Variants in PACS2 observed in about 807,000 individuals in gnomAD.
PACS2 encodes the protein PACS1-like protein.
Under a neutral mutation model 113.0 loss-of-function variants are expected in PACS2, and 36 were observed. The ratio of observed to expected loss-of-function variants is 0.32; its 90% CI spans 0.24 to 0.42. The LOEUF (loss-of-function observed/expected upper bound fraction) is 0.42, where lower values mean the gene tolerates loss of function less well. Among genes scored for constraint, PACS2 ranks in the 10% least tolerant of loss-of-function variants. The pLI is 1.00. For missense variants in PACS2, 1,015 were observed against 1,239.5 expected, an observed-to-expected ratio of 0.82 and a Z score of 2.72; for synonymous variants, 589 against 536.1, an observed-to-expected ratio of 1.10 and a Z score of -1.36.
At chr14:105,368,416 A>G (rs782561685) in intron 6 of PACS2, 43 bp from the exon 7 acceptor site, 23 of 1,473,894 alleles carry the variant, frequency 1.6e-5, no homozygotes, top group Admixed American at 1.2e-4. Flanking sequence ...TGCCAGCACT[A>G]TGCAGGCTGC....
Position 105,394,259 on chromosome 14 carries a change from C to T in PACS2, c.2597-295C>T, listed in dbSNP as rs114278617. 1.9e-3 allele frequency: 1,852 copies of T among 985,144 alleles called. 30 individuals carry two copies. The African/African-American group carries it at 0.027, about 15-fold the overall frequency. The allele number at this position is 985,144 out of a possible 1,614,324, so 61.0% of individuals were successfully genotyped here. A position where few individuals can be genotyped will look rare whatever the true frequency, so the allele number is the denominator to read the frequency against. ...GTGGATGTGGACGAGCAGCGCCTGG[C>T]GGAAGGTGGTGGGGTCTGCTCCTTC... On this transcript the variant is annotated intron_variant, in intron 24 of 24. Coordinates refer to ENST00000447393, the MANE Select transcript of PACS2 (RefSeq NM_001100913.3).
upstream of PACS2, among the ~76,000 whole-genome samples, chr14:105,314,067 C>T (rs1484549944): frequency 6.6e-6 from 1 of 152,266 alleles, no homozygotes; most frequent in Non-Finnish European, 1.5e-5. Context: ...TCATCTGGAG[C>T]CCTGGAGGCT....
Position 105,364,494 on chromosome 14 carries a change from G to A in PACS2, c.424-2719G>A, listed in dbSNP as rs1479120296. Among the ~76,000 whole-genome samples the A allele has an allele frequency of 4.7e-5, 7 of 148,874 alleles. No individual in the cohort carries two copies. In the East Asian group the frequency reaches 5.9e-4, roughly 12 times the overall value. On this transcript the variant is annotated intron_variant, in intron 4 of 24. Transcript: ENST00000447393. ...CCGGGTGCGCGGTGGGTGGCGGCCC[G>A]GGTGCGCGGTGGGCGGTGGCCTGGG...
chr14:105,379,834 G>C lies in PACS2; in HGVS notation c.1050+5G>C, dbSNP rs2080916829. On this transcript the variant is annotated splice_donor_5th_base_variant and intron_variant, in intron 10 of 24. Coordinates refer to ENST00000447393, the MANE Select transcript of PACS2 (RefSeq NM_001100913.3). ...CACAAGGAGCCCCCAAGCCCGGTGA[G>C]TGGGGCCACACTGATCTCCCAGAGC... 1 of 1,611,740 alleles carries C rather than the reference G, an allele frequency of 6.2e-7. No individual in the cohort carries two copies. The highest frequency in any genetic ancestry group is 8.5e-7 in the Non-Finnish European group (1 of 1,178,540).
At position 105,391,904 on chromosome 14, in the gene PACS2, G is replaced by A. The variant is rs2141308464; in HGVS notation, c.2255+138G>A. ...GCCACGAAGGCGGAGGGGCTCTGCA[G>A]GACGGCTGGGTCCTCTCTGGCCACC... On this transcript the variant is annotated intron_variant, in intron 22 of 24. Transcript: ENST00000447393. 3.5e-6 allele frequency: 3 copies of A among 868,678 alleles called. No individual in the cohort carries two copies. In the East Asian group the frequency reaches 8.5e-5, roughly 25 times the overall value. 53.8% of individuals were successfully genotyped at this position (868,678 alleles called of 1,614,324 possible). A position where few individuals can be genotyped will look rare whatever the true frequency, so the allele number is the denominator to read the frequency against.
At chr14:105,378,662 A>T (rs1555411100) in intron 9 of PACS2, among the ~76,000 whole-genome samples, 1 of 152,212 alleles carries the variant, frequency 6.6e-6, no homozygotes, top group East Asian at 1.9e-4. Context: ...TGCCTTGGCC[A>T]CCCAAAGTGC....
intron 1 of PACS2, among the ~76,000 whole-genome samples, chr14:105,301,808 C>T (rs2058039601): frequency 6.6e-6 from 1 of 152,234 alleles, no homozygotes; most frequent in Admixed American, 6.5e-5. Flanking sequence ...TCACAATCGC[C>T]ATAGGGCCGG....
chr14:105,375,219 C>A (rs1187223141), intron 8 of PACS2, among the ~76,000 whole-genome samples: 2 of 152,128 alleles, frequency 1.3e-5, no homozygotes, highest in Non-Finnish European at 2.9e-5. Context: ...GTCGCTCACA[C>A]CTGTAATCCC....
chr14:105,363,349 G>GT (rs1555407102), intron 4 of PACS2, among the ~76,000 whole-genome samples: 1 of 151,252 alleles, frequency 6.6e-6, no homozygotes, highest in African/African-American at 2.5e-5. Flanking sequence ...AAAATCTGTT[G>GT]TTTAGTGTTA....
At chr14:105,331,989 C>T (rs1000776427) in intron 1 of PACS2, among the ~76,000 whole-genome samples, 2 of 152,200 alleles carry the variant, frequency 1.3e-5, no homozygotes, top group African/African-American at 2.4e-5. Flanking sequence ...GAGGAGTCTG[C>T]GATCAGCCTG....
intron 1 of PACS2, among the ~76,000 whole-genome samples, chr14:105,316,275 G>A (rs186904697): frequency 4.9e-4 from 75 of 152,340 alleles, no homozygotes; most frequent in Admixed American, 8.5e-4. Flanking sequence ...GTCTGGGGCC[G>A]AGCACTGCAG....
At chr14:105,339,189 T>G (rs930151396) in intron 1 of PACS2, among the ~76,000 whole-genome samples, 1 of 152,112 alleles carries the variant, frequency 6.6e-6, no homozygotes, top group African/African-American at 2.4e-5. Flanking sequence ...CCACTGCCAC[T>G]CAGAGCGAGA....
intron 1 of PACS2, among the ~76,000 whole-genome samples, chr14:105,326,713 C>T (rs1000776528): frequency 6.6e-5 from 10 of 152,294 alleles, no homozygotes; most frequent in Middle Eastern, 3.4e-3. Flanking sequence ...GGGAGGGGAG[C>T]GGGAGCTCTG....
At position 105,376,107 on chromosome 14, in the gene PACS2, A is replaced by T. The variant is rs1233073044; in HGVS notation, c.802-661A>T. Among the ~76,000 whole-genome samples the T allele has an allele frequency of 6.6e-6, 1 of 152,122 alleles. No homozygotes were observed. Among genetic ancestry groups the T allele is most frequent in the Non-Finnish European group, 1.5e-5 (1 of 68,020 alleles). On this transcript the variant is annotated intron_variant, in intron 8 of 24. Transcript: ENST00000447393. This position sits in a 1 kb window ranked among gnomAD's most constrained non-coding sequence, Gnocchi z 4.7. ...TCAGATCTCTTAAGATGTGCTCATTATCATGAGAACAGCGTGGAGGAAACC... is the reference window on the plus strand; with the variant it reads ...TCAGATCTCTTAAGATGTGCTCATTTTCATGAGAACAGCGTGGAGGAAACC...
intron 8 of PACS2, chr14:105,373,064 A>AT (rs1327486236): frequency 6.6e-6 from 1 of 152,246 alleles, no homozygotes; most frequent in Non-Finnish European, 1.5e-5. Context: ...ACTATGAAAC[A>AT]TTTTTTAAAG....
At chr14:105,318,986 C>T (rs907128892) in intron 1 of PACS2, among the ~76,000 whole-genome samples, 3 of 144,380 alleles carry the variant, frequency 2.1e-5, no homozygotes, top group East Asian at 4.2e-4. Flanking sequence ...GAAGCTCTGT[C>T]GCCCAGGCTG....
At position 105,323,198 on chromosome 14, in the gene PACS2, C is replaced by T. The variant is rs1211992695; in HGVS notation, c.119+8161C>T. ...GTGGATCGATGATTTTCATGAGTCC[C>T]GGGAAGCTCTCAGCCACTTTTTCTT... is the stretch of plus-strand genomic sequence containing the variant. On this transcript the variant is annotated intron_variant, in intron 1 of 24. Coordinates refer to ENST00000447393, the MANE Select transcript of PACS2 (RefSeq NM_001100913.3). The surrounding 1 kb of genome is among the most constrained non-coding windows in gnomAD (Gnocchi z 4.1). Among the ~76,000 whole-genome samples the T allele has an allele frequency of 3.9e-5, 6 of 152,178 alleles. No individual in the cohort carries two copies. Among genetic ancestry groups the T allele is most frequent in the Non-Finnish European group, 7.3e-5 (5 of 68,034 alleles).
At position 105,380,074 on chromosome 14, in the gene PACS2, C is replaced by T; in HGVS notation, c.1051-6C>T. 1 of 1,552,054 alleles carries T rather than the reference C, an allele frequency of 6.4e-7. No individual in the cohort carries two copies. The highest frequency in any genetic ancestry group is 1.2e-5 in the South Asian group (1 of 84,146). On this transcript the variant is annotated splice_polypyrimidine_tract_variant and splice_region_variant and intron_variant, in intron 10 of 24. Coordinates refer to ENST00000447393, the MANE Select transcript of PACS2 (RefSeq NM_001100913.3). ...CACAAGCTGATTCCCATCTCCTCCC[C>T]CACAGGCTGACGTGCCCGAGAAGAC...
At chr14:105,332,424 C>T (rs758069822) in intron 1 of PACS2, among the ~76,000 whole-genome samples, 8 of 152,168 alleles carry the variant, frequency 5.3e-5, no homozygotes, top group Non-Finnish European at 7.4e-5. Context: ...GTGGCCCCCT[C>T]GGCTGTGTTC....
Sources: allele counts gnomAD v4.1 joint callset (sites outside exome capture counted in the v4.1 genomes callset), GRCh38; gene constraint gnomAD v4.1.1; non-coding constraint Gnocchi (gnomAD v3.1); transcripts MANE v1.5; gene names NCBI Gene and HGNC (gene_info 2026-07-23, HGNC 2026-07-21).